Variants in CERT1 observed in about 807,000 individuals in gnomAD.
CERT1 encodes ceramide transfer protein.
In CERT1, 31 loss-of-function variants were observed where a neutral mutation model predicts 87.9. The ratio of observed to expected loss-of-function variants is 0.35; its 90% CI spans 0.27 to 0.48. The LOEUF is 0.48. Ranked by LOEUF, CERT1 falls within the 20% of genes least tolerant of loss-of-function variation. The pLI, the probability that CERT1 is intolerant of heterozygous loss-of-function variation, is 0.99. For synonymous variants in CERT1, 289 were observed against 250.9 expected, an observed-to-expected ratio of 1.15 and a Z score of -1.44; for missense variants, 487 against 758.0, an observed-to-expected ratio of 0.64 and a Z score of 4.20.
chr5:75,508,055 G>C (rs1358329161), intron 1 of CERT1, among the ~76,000 whole-genome samples: 1 of 151,796 alleles, frequency 6.6e-6, no homozygotes, highest in Non-Finnish European at 1.5e-5. Flanking sequence ...AAGCATATTT[G>C]CCTACTTTTC....
At chr5:75,392,796 C>T (rs752168773) in intron 11 of CERT1, among the ~76,000 whole-genome samples, 12 of 151,424 alleles carry the variant, frequency 7.9e-5, no homozygotes, top group East Asian at 1.9e-4. Context: ...GGTAAAACCC[C>T]GTCTCTACTA....
In CERT1 at chr5:75,511,260, G is replaced by A. The variant is rs779788597; in HGVS notation, c.-53C>T. 3.3e-5 allele frequency: 52 copies of A among 1,599,198 alleles called. No homozygotes were observed. The highest frequency in any genetic ancestry group is 4.3e-5 in the Non-Finnish European group (51 of 1,172,972). On this transcript the variant is annotated 5_prime_UTR_variant, in exon 1 of 17. Transcript: ENST00000643780. ...GGCCCCCGCTCCCTCAGCTGCGCCG[G>A]AGGAGGCGCCCAGTCCTCGGGGTGA...
At chr5:75,446,468 T>C (rs535867943) in intron 3 of CERT1, among the ~76,000 whole-genome samples, 2 of 152,332 alleles carry the variant, frequency 1.3e-5, no homozygotes, top group African/African-American at 4.8e-5. Flanking sequence ...TTAAAGTCTT[T>C]TGTCTAGTAG....
At chr5:75,393,549 G>A (rs866414717) in intron 11 of CERT1, among the ~76,000 whole-genome samples, 4 of 130,328 alleles carry the variant, frequency 3.1e-5, no homozygotes, top group Middle Eastern at 5.6e-3. Context: ...AGGATTGCTT[G>A]GGCCTAGGAG....
At chr5:75,431,540 C>T (rs369315756) in intron 3 of CERT1, among the ~76,000 whole-genome samples, 2 of 152,170 alleles carry the variant, frequency 1.3e-5, no homozygotes, top group African/African-American at 4.8e-5. Flanking sequence ...GATCCCTTCT[C>T]TGTGTTATGG....
At chr5:75,405,498 T>A (rs1762665050) in intron 8 of CERT1, among the ~76,000 whole-genome samples, 1 of 152,178 alleles carries the variant, frequency 6.6e-6, no homozygotes, top group Non-Finnish European at 1.5e-5. Context: ...CTTCCTCATA[T>A]GACTCACCTC....
intron 3 of CERT1, among the ~76,000 whole-genome samples, chr5:75,457,238 TCC>T (rs1765021952): frequency 6.6e-6 from 1 of 152,222 alleles, no homozygotes; most frequent in Non-Finnish European, 1.5e-5. Flanking sequence ...CTCTTGCTTT[TCC>T]TATATGCCAT....
chr5:75,389,510 T>C (rs1761947180), intron 12 of CERT1, 82 bp downstream of exon 12: 1 of 1,009,164 alleles, frequency 9.9e-7, no homozygotes, highest in Non-Finnish European at 1.6e-6. Flanking sequence ...GAAAGTGCTA[T>C]CCTTATTCAT....
intron 10 of CERT1, 36 bp downstream of exon 10, chr5:75,400,169 A>G: frequency 7.4e-7 from 1 of 1,346,728 alleles, no homozygotes; most frequent in Non-Finnish European, 1.1e-6. Context: ...AGAACAATAC[A>G]AGGTGTACTT....
rs976688356 is a variant in CERT1, at chr5:75,511,443, G to T, written c.-236C>A. ...AGGAAGCCTACCCTTCCAGCCGTCA[G>T]CCGCCGCCGCCGTCGCCGTGACCCC... On this transcript the variant is annotated 5_prime_UTR_variant, in exon 1 of 17. It adds an upstream start codon to the 5' untranslated region. Transcript: ENST00000643780. The T allele has an allele frequency of 6.1e-5, 93 of 1,527,684 alleles. No homozygotes were observed. The highest frequency in any genetic ancestry group is 6.9e-5 in the Non-Finnish European group (78 of 1,136,592). 94.6% of individuals were successfully genotyped at this position (1,527,684 alleles called of 1,614,324 possible).
chr5:75,489,533 A>G (rs1766677796), intron 2 of CERT1, among the ~76,000 whole-genome samples: 1 of 152,234 alleles, frequency 6.6e-6, no homozygotes, highest in Non-Finnish European at 1.5e-5. Flanking sequence ...TCTACAAGGA[A>G]CTTAAACAGA....
intron 11 of CERT1, among the ~76,000 whole-genome samples, chr5:75,398,238 A>T (rs1338604671): frequency 1.3e-5 from 2 of 152,344 alleles, no homozygotes; most frequent in East Asian, 3.9e-4. Flanking sequence ...TTATTTATAA[A>T]CATAAAAATA....
chr5:75,433,394 T>C (rs1056239567), intron 3 of CERT1, among the ~76,000 whole-genome samples: 3 of 152,234 alleles, frequency 2.0e-5, no homozygotes, highest in Admixed American at 2.0e-4. Context: ...ATTCTCATTG[T>C]AGAGATCTTT....
rs1761435711 is a variant in CERT1, at chr5:75,378,868, T to C, written c.*478A>G. The C allele has an allele frequency of 6.6e-6, 1 of 152,232 alleles. No individual in the cohort carries two copies. Among genetic ancestry groups the C allele is most frequent in the African/African-American group, 2.4e-5 (1 of 41,440 alleles). The allele number at this position is 152,232 out of a possible 1,614,324, so 9.4% of individuals were successfully genotyped here. ...AAAAGGAAACAATAAAAGAATTAAG[T>C]TTTAAAGGCTATAAACTACAATTTT... On this transcript the variant is annotated 3_prime_UTR_variant, in exon 17 of 17. Transcript: ENST00000643780.
At chr5:75,491,002 T>G (rs1766764977) in intron 2 of CERT1, among the ~76,000 whole-genome samples, 1 of 152,218 alleles carries the variant, frequency 6.6e-6, no homozygotes, top group African/African-American at 2.4e-5. Flanking sequence ...ATATTTTGAG[T>G]TCTATTTGGA....
At chr5:75,429,037 A>C (rs952643821) in intron 3 of CERT1, among the ~76,000 whole-genome samples, 1 of 152,064 alleles carries the variant, frequency 6.6e-6, no homozygotes, top group South Asian at 2.1e-4. Flanking sequence ...CTAGGATCTT[A>C]TAGTAATCTC....
chr5:75,369,256 T>A (rs1484083549), intron 17 of CERT1: 1 of 152,160 alleles, frequency 6.6e-6, no homozygotes, highest in Non-Finnish European at 1.5e-5. Context: ...CATATATGAC[T>A]GGTTTATCGG....
chr5:75,441,385 C>T (rs762535523), intron 3 of CERT1, among the ~76,000 whole-genome samples: 1 of 152,152 alleles, frequency 6.6e-6, no homozygotes, highest in Non-Finnish European at 1.5e-5. Flanking sequence ...TCTCAGAATG[C>T]ATCTCTATTG....
chr5:75,474,501 C>T (rs766282933), intron 2 of CERT1, among the ~76,000 whole-genome samples: 8 of 151,970 alleles, frequency 5.3e-5, no homozygotes, highest in Admixed American at 6.6e-5. Flanking sequence ...TAGTATATCA[C>T]GGAAGTCAGT....
Sources: allele counts gnomAD v4.1 joint callset (sites outside exome capture counted in the v4.1 genomes callset), GRCh38; gene constraint gnomAD v4.1.1; transcripts MANE v1.5; gene names NCBI Gene and HGNC (gene_info 2026-07-23, HGNC 2026-07-21).